HIP1: variants seen among roughly 807,000 people sequenced by gnomAD.
The protein encoded by HIP1 is huntingtin interacting protein 1, also known as huntingtin-interacting protein 1.
HIP1 carries 65 observed loss-of-function variants against 147.6 expected under a neutral mutation model. The observed-to-expected ratio is 0.44, with a 90% CI of 0.36 to 0.54. The LOEUF (loss-of-function observed/expected upper bound fraction) is 0.54, where lower values mean the gene tolerates loss of function less well. HIP1 is among the 20% of genes least tolerant of loss of function. The probability of loss-of-function intolerance (pLI) is 0.00; values close to 1 mark genes in which losing one functional copy is unlikely to be tolerated. For missense variants in HIP1, 1,061 were observed against 1,299.6 expected (o/e 0.82, Z 2.82); for synonymous variants, 479 against 504.0 (o/e 0.95, Z 0.67).
chr7:75,598,438 T>C (rs1796842030), intron 2 of HIP1, among the ~76,000 whole-genome samples: 1 of 150,384 alleles, frequency 6.6e-6, no homozygotes, highest in Non-Finnish European at 1.5e-5. Flanking sequence ...CTTTTTTTTT[T>C]GCTTTCATGC....
At chr7:75,692,066 A>G (rs1554518204) in intron 1 of HIP1, among the ~76,000 whole-genome samples, 1 of 152,112 alleles carries the variant, frequency 6.6e-6, no homozygotes, top group East Asian at 1.9e-4. Flanking sequence ...TTTTACCTCA[A>G]TTACAACCAA....
intron 1 of HIP1, among the ~76,000 whole-genome samples, chr7:75,683,490 G>T (rs1800162806): frequency 6.6e-6 from 1 of 152,224 alleles, no homozygotes; most frequent in Admixed American, 6.5e-5. Flanking sequence ...GGACGTGTGT[G>T]TGTGTACCTG....
intron 1 of HIP1, among the ~76,000 whole-genome samples, chr7:75,722,418 G>A (rs148946347): frequency 2.1e-4 from 32 of 152,322 alleles, no homozygotes; most frequent in African/African-American, 7.2e-4. Flanking sequence ...GAGCCAGACT[G>A]AAGACCTATA....
intron 1 of HIP1, among the ~76,000 whole-genome samples, chr7:75,716,660 T>A (rs1026808735): frequency 2.6e-5 from 4 of 150,952 alleles, no homozygotes; most frequent in African/African-American, 7.3e-5. Flanking sequence ...GCTGGGACTA[T>A]AGGCGCCCAC....
intron 1 of HIP1, among the ~76,000 whole-genome samples, chr7:75,672,014 C>T (rs1799742855): frequency 6.6e-6 from 1 of 152,004 alleles, no homozygotes; most frequent in Non-Finnish European, 1.5e-5. Flanking sequence ...GGATTACAGG[C>T]GTGAGCCACT....
chr7:75,680,703 G>A (rs1800036332), intron 1 of HIP1, among the ~76,000 whole-genome samples: 9 of 151,878 alleles, frequency 5.9e-5, no homozygotes, highest in Admixed American at 4.6e-4. Flanking sequence ...TCCGCCTCCC[G>A]GGTTCAAGCG....
intron 1 of HIP1, among the ~76,000 whole-genome samples, chr7:75,642,604 T>C (rs1390445695): frequency 1.3e-5 from 2 of 152,172 alleles, no homozygotes; most frequent in African/African-American, 4.8e-5. Flanking sequence ...TCTGCCCCCA[T>C]TCTTGTCTAT....
Position 75,536,954 on chromosome 7 carries a change from G to A in HIP1, c.*1218C>T. ...TTCCCTGATGGGAGCAATTGCATCT[G>A]ATCTTCCGGGTTTGTCAATTGCGTA... On this transcript the variant is annotated 3_prime_UTR_variant, in exon 31 of 31. Coordinates refer to ENST00000336926, the MANE Select transcript of HIP1 (RefSeq NM_005338.7). 4.3e-6 allele frequency: 1 copy of A among 231,678 alleles called. No individual in the cohort carries two copies. The highest frequency in any genetic ancestry group is 8.5e-6 in the Non-Finnish European group (1 of 117,072). 14.4% of individuals were successfully genotyped at this position (231,678 alleles called of 1,614,324 possible). A position where few individuals can be genotyped will look rare whatever the true frequency, so the allele number is the denominator to read the frequency against.
intron 1 of HIP1, among the ~76,000 whole-genome samples, chr7:75,636,392 A>G (rs192682698): frequency 1.3e-5 from 2 of 152,144 alleles, no homozygotes; most frequent in Non-Finnish European, 1.5e-5. Context: ...GTAAACTATA[A>G]TCTGCTTTTC....
chr7:75,648,585 G>C (rs1037943504), intron 1 of HIP1, among the ~76,000 whole-genome samples: 2 of 152,114 alleles, frequency 1.3e-5, no homozygotes, highest in East Asian at 3.8e-4. Flanking sequence ...AGCCATATGC[G>C]GATGCCAGGT....
chr7:75,716,949 G>A (rs575758284), intron 1 of HIP1, among the ~76,000 whole-genome samples: 1 of 152,100 alleles, frequency 6.6e-6, no homozygotes, highest in East Asian at 1.9e-4. Context: ...CCAAGTAGCT[G>A]GGACTACAGG....
At chr7:75,617,525 G>T (rs962451883) in intron 1 of HIP1, among the ~76,000 whole-genome samples, 4 of 152,060 alleles carry the variant, frequency 2.6e-5, no homozygotes, top group African/African-American at 7.2e-5. Flanking sequence ...CCTCAGCCTG[G>T]TTCCTTGCGT....
chr7:75,554,674 A>C (rs141567442), intron 19 of HIP1, 148 bp from the exon 20 acceptor site: 2 of 608,604 alleles, frequency 3.3e-6, no homozygotes, highest in Non-Finnish European at 2.9e-6. Flanking sequence ...CTTGATTCAG[A>C]CCATAGTTTT....
chr7:75,697,318 C>A (rs111491976), intron 1 of HIP1, among the ~76,000 whole-genome samples: 1,619 of 152,044 alleles, frequency 0.011, 39 homozygotes, highest in African/African-American at 0.037. Context: ...GCAACCCCAG[C>A]ACTTTGGGAG....
At chr7:75,556,890 C>T (rs782765239) in intron 16 of HIP1, 79 bp from the exon 17 acceptor site, 84 of 885,652 alleles carry the variant, frequency 9.5e-5, no homozygotes, top group Non-Finnish European at 1.4e-4. Context: ...ACGTCCCAAG[C>T]GATCAACAAG....
chr7:75,584,141 T>G (rs1281065834), intron 5 of HIP1, among the ~76,000 whole-genome samples: 2 of 150,630 alleles, frequency 1.3e-5, no homozygotes, highest in Non-Finnish European at 3.0e-5. Context: ...TTTTTGTATT[T>G]TTAGTGGAGA....
In HIP1 at chr7:75,566,985, G is replaced by A. The variant is rs888734982; in HGVS notation, c.803+1214C>T. ...AAATTAGTCGGGCATGGTGGTGGGC[G>A]CCTGTAATCCTAGCTACTGAAGAGG... On this transcript the variant is annotated intron_variant, in intron 9 of 30. Transcript: ENST00000336926. Among the ~76,000 whole-genome samples the A allele has an allele frequency of 6.6e-5, 10 of 151,146 alleles. No homozygotes were observed. In the East Asian group the frequency reaches 9.7e-4, roughly 15 times the overall value.
At chr7:75,620,955 C>T (rs1331226994) in intron 1 of HIP1, among the ~76,000 whole-genome samples, 1 of 151,990 alleles carries the variant, frequency 6.6e-6, no homozygotes, top group Non-Finnish European at 1.5e-5. Flanking sequence ...GAGAGGCTGG[C>T]GTGGTGGCTC....
chr7:75,552,258 C>A (rs1794813092), intron 22 of HIP1, among the ~76,000 whole-genome samples: 1 of 152,154 alleles, frequency 6.6e-6, no homozygotes, highest in South Asian at 2.1e-4. Context: ...AAAAACTGTA[C>A]TGCATAGAAA....
Sources: allele counts gnomAD v4.1 joint callset (sites outside exome capture counted in the v4.1 genomes callset), GRCh38; gene constraint gnomAD v4.1.1; transcripts MANE v1.5; gene names NCBI Gene and HGNC (gene_info 2026-07-23, HGNC 2026-07-21).